GULP1: variants seen among roughly 807,000 people sequenced by gnomAD.
GULP1 encodes the protein PTB domain-containing engulfment adapter protein 1.
GULP1 carries 19 observed loss-of-function variants against 40.9 expected under a neutral mutation model. The observed-to-expected ratio is 0.46, with a 90% confidence interval of 0.32 to 0.68. The LOEUF is 0.68. GULP1 is among the 30% of genes least tolerant of loss of function. The pLI is 0.03. For synonymous variants in GULP1, 119 were observed against 117.6 expected (o/e 1.01, Z -0.08); for missense variants, 312 against 362.2 (o/e 0.86, Z 1.12).
At chr2:188,501,568 T>A (rs746680753) in intron 4 of GULP1, among the ~76,000 whole-genome samples, 2 of 151,928 alleles carry the variant, frequency 1.3e-5, no homozygotes, top group Non-Finnish European at 2.9e-5. Flanking sequence ...GAGCTTCTAA[T>A]CACTATAGCA....
chr2:188,380,625 TAAGA>T (rs754122008), intron 1 of GULP1, among the ~76,000 whole-genome samples: 7 of 152,094 alleles, frequency 4.6e-5, no homozygotes, highest in Non-Finnish European at 7.4e-5. Flanking sequence ...TTATAGAGGA[TAAGA>T]AAGAAATATC....
chr2:188,544,475 C>T (rs1246872778), intron 7 of GULP1, among the ~76,000 whole-genome samples: 1 of 151,792 alleles, frequency 6.6e-6, no homozygotes, highest in Non-Finnish European at 1.5e-5. Context: ...CAATATGGCA[C>T]ATGTATACAT....
chr2:188,546,155 C>T (rs1691900027), intron 7 of GULP1, among the ~76,000 whole-genome samples: 4 of 152,050 alleles, frequency 2.6e-5, no homozygotes, highest in Admixed American at 6.6e-5. Flanking sequence ...GGCACTTTCC[C>T]TCAAATTTAT....
At chr2:188,566,107 G>T (rs958085025) in intron 7 of GULP1, among the ~76,000 whole-genome samples, 1 of 152,008 alleles carries the variant, frequency 6.6e-6, no homozygotes, top group Non-Finnish European at 1.5e-5. Context: ...TATCTTATAT[G>T]ATTCATAAAT....
At chr2:188,358,841 C>T (rs2045712260) in intron 1 of GULP1, among the ~76,000 whole-genome samples, 2 of 151,986 alleles carry the variant, frequency 1.3e-5, no homozygotes, top group Admixed American at 6.6e-5. Context: ...GTTTAATTAA[C>T]GTTATTAACA....
chr2:188,394,438 TA>T lies in GULP1; in HGVS notation c.-45+10558del, dbSNP rs556777085. Among the ~76,000 whole-genome samples, 319 of 151,736 alleles carry T rather than the reference TA, an allele frequency of 2.1e-3. 1 individual carries two copies. Among genetic ancestry groups the T allele is most frequent in the South Asian group, 8.3e-3 (40 of 4,814 alleles). ...AAAATTTTCATTCATATCCTGAATTTAAAAAAAAATTAAGTTAGTTTTCACC... is the reference window on the plus strand; with the variant it reads ...AAAATTTTCATTCATATCCTGAATTTAAAAAAAATTAAGTTAGTTTTCACC... On this transcript the variant is annotated intron_variant, in intron 2 of 11. Transcript: ENST00000409830.
intron 7 of GULP1, among the ~76,000 whole-genome samples, chr2:188,550,563 C>G (rs1043356924): frequency 6.6e-6 from 1 of 151,542 alleles, no homozygotes; most frequent in African/African-American, 2.4e-5. Context: ...GTGAAAGGAA[C>G]TGTAAAATAA....
At chr2:188,573,337 A>G (rs1699491467) in intron 9 of GULP1, among the ~76,000 whole-genome samples, 1 of 152,214 alleles carries the variant, frequency 6.6e-6, no homozygotes, top group Non-Finnish European at 1.5e-5. Context: ...AATAAAACAA[A>G]AATAGTTACC....
At chr2:188,372,363 A>G (rs1339896913) in intron 1 of GULP1, among the ~76,000 whole-genome samples, 7 of 152,074 alleles carry the variant, frequency 4.6e-5, no homozygotes, top group African/African-American at 1.7e-4. Context: ...TGGAAATTAA[A>G]TATCGTTAGT....
intron 2 of GULP1, among the ~76,000 whole-genome samples, chr2:188,467,978 G>A (rs766495690): frequency 2.6e-5 from 4 of 152,094 alleles, no homozygotes; most frequent in Non-Finnish European, 5.9e-5. Flanking sequence ...TAAAGAAAAT[G>A]TCTCTATTTC....
intron 2 of GULP1, among the ~76,000 whole-genome samples, chr2:188,389,602 G>A (rs1357904931): frequency 6.6e-6 from 1 of 152,056 alleles, no homozygotes; most frequent in African/African-American, 2.4e-5. Flanking sequence ...AAAAAATAAA[G>A]GGAATTAATT....
chr2:188,427,207 C>A (rs376117831), intron 2 of GULP1, among the ~76,000 whole-genome samples: 1 of 152,122 alleles, frequency 6.6e-6, no homozygotes, highest in Non-Finnish European at 1.5e-5. Context: ...AAAACTGGAA[C>A]TTATATTTAA....
chr2:188,349,649 T>A (rs556090123), intron 1 of GULP1, among the ~76,000 whole-genome samples: 10 of 152,208 alleles, frequency 6.6e-5, no homozygotes, highest in Non-Finnish European at 1.5e-4. Context: ...TTTCTGCAAT[T>A]CTGTGGATTG....
At chr2:188,309,917 G>C (rs954115779) in intron 1 of GULP1, among the ~76,000 whole-genome samples, 1 of 152,216 alleles carries the variant, frequency 6.6e-6, no homozygotes, top group Non-Finnish European at 1.5e-5. Flanking sequence ...TGTCAGAGAA[G>C]AGTGGACTTA....
At chr2:188,466,292 T>TCCC (rs138871908) in intron 2 of GULP1, among the ~76,000 whole-genome samples, 24 of 148,114 alleles carry the variant, frequency 1.6e-4, no homozygotes, top group African/African-American at 5.4e-4. Context: ...GGTTTTTTTT[T>TCCC]CCCCCCCCGG....
intron 7 of GULP1, among the ~76,000 whole-genome samples, chr2:188,543,580 C>A (rs921744392): frequency 1.3e-5 from 2 of 152,048 alleles, no homozygotes; most frequent in African/African-American, 4.8e-5. Flanking sequence ...TTATGTAATT[C>A]TCATTTTAAA....
intron 2 of GULP1, among the ~76,000 whole-genome samples, chr2:188,389,599 A>G (rs540560264): frequency 1.1e-4 from 16 of 152,302 alleles, no homozygotes; most frequent in African/African-American, 2.9e-4. Context: ...GTTAAAAAAT[A>G]AAGGGAATTA....
chr2:188,538,102 T>A (rs1309185443), intron 6 of GULP1, among the ~76,000 whole-genome samples: 1 of 152,110 alleles, frequency 6.6e-6, no homozygotes, highest in Non-Finnish European at 1.5e-5. Flanking sequence ...TAGCTAGTGG[T>A]CTAGTGATCT....
chr2:188,588,004 C>A (rs757914052), intron 11 of GULP1, 55 bp downstream of exon 11: 1 of 909,008 alleles, frequency 1.1e-6, no homozygotes, highest in Non-Finnish European at 1.9e-6. Context: ...TGATATGGGA[C>A]AAAGAGAATG....
Sources: allele counts gnomAD v4.1 joint callset (sites outside exome capture counted in the v4.1 genomes callset), GRCh38; gene constraint gnomAD v4.1.1; transcripts MANE v1.5; gene names NCBI Gene and HGNC (gene_info 2026-07-23, HGNC 2026-07-21).